Variants in CCDC13 observed in about 807,000 individuals in gnomAD.
CCDC13 encodes the protein coiled-coil domain-containing protein 13.
In CCDC13, 70 loss-of-function variants were observed where a neutral mutation model predicts 87.3. The observed-to-expected ratio is 0.80, with a 90% CI of 0.66 to 0.98. The LOEUF (loss-of-function observed/expected upper bound fraction) is 0.98, where lower values mean the gene tolerates loss of function less well. Among genes scored for constraint, CCDC13 ranks in the 50% least tolerant of loss-of-function variants. The pLI, the probability that CCDC13 is intolerant of heterozygous loss-of-function variation, is 0.00. For synonymous variants in CCDC13, 317 were observed against 360.3 expected, an observed-to-expected ratio of 0.88 and a Z score of 1.36; for missense variants, 842 against 892.0, an observed-to-expected ratio of 0.94 and a Z score of 0.71.
At chr3:42,749,914 G>T (rs559245309) in intron 5 of CCDC13, 1 of 456,598 alleles carries the variant, frequency 2.2e-6, no homozygotes, top group Non-Finnish European at 4.4e-6. Flanking sequence ...GATTGAGCCT[G>T]CAGGCCTCTG....
At chr3:42,761,318 C>T (rs146956817) in intron 1 of CCDC13, among the ~76,000 whole-genome samples, 2 of 152,316 alleles carry the variant, frequency 1.3e-5, no homozygotes, top group Non-Finnish European at 2.9e-5. Flanking sequence ...TTCCCCCAGA[C>T]ATCTACCTTA....
intron 9 of CCDC13, among the ~76,000 whole-genome samples, chr3:42,736,739 G>C (rs1699032956): frequency 6.6e-6 from 1 of 152,018 alleles, no homozygotes; most frequent in Admixed American, 6.6e-5. Context: ...AGGTGCCTGA[G>C]CCAGCACCCC....
intron 1 of CCDC13, among the ~76,000 whole-genome samples, chr3:42,763,329 A>C (rs917543618): frequency 6.6e-6 from 1 of 152,174 alleles, no homozygotes; most frequent in African/African-American, 2.4e-5. Flanking sequence ...ATAAGAAGGC[A>C]GCTTTAGGCT....
chr3:42,706,933 G>T lies in CCDC13; in HGVS notation c.*2047C>A, dbSNP rs185130487. ...ACACAGCTGGTAAGTGGGGAGAGAAGTATGCCCCAGGCAGCCCCACCTGTC... is the reference window on the plus strand; with the variant it reads ...ACACAGCTGGTAAGTGGGGAGAGAATTATGCCCCAGGCAGCCCCACCTGTC... On this transcript the variant is annotated 3_prime_UTR_variant, in exon 16 of 16. Transcript: ENST00000310232. Among the ~76,000 whole-genome samples, 14 of 152,310 alleles carry T rather than the reference G, an allele frequency of 9.2e-5. No individual in the cohort carries two copies. In the East Asian group the frequency reaches 2.5e-3, roughly 27 times the overall value.
At chr3:42,734,813 A>G (rs1240955330) in intron 10 of CCDC13, among the ~76,000 whole-genome samples, 1 of 152,158 alleles carries the variant, frequency 6.6e-6, no homozygotes, top group Non-Finnish European at 1.5e-5. Context: ...CAGCCCCACC[A>G]CCACCCCAGG....
intron 14 of CCDC13, among the ~76,000 whole-genome samples, chr3:42,711,555 C>T (rs541914168): frequency 1.2e-4 from 19 of 152,346 alleles, no homozygotes; most frequent in African/African-American, 4.1e-4. Flanking sequence ...AGCCTCCCTG[C>T]CTCCTCCCTG....
At chr3:42,730,769 C>T (rs992434911) in intron 12 of CCDC13, among the ~76,000 whole-genome samples, 180 bp from the exon 13 acceptor site, 3 of 152,200 alleles carry the variant, frequency 2.0e-5, no homozygotes, top group Admixed American at 6.5e-5. Context: ...CATTCCTGGT[C>T]CTGCTGAAGT....
At position 42,771,392 on chromosome 3, in the gene CCDC13, C is replaced by A. The variant is rs12632820; in HGVS notation, c.-7+1784G>T. Among the ~76,000 whole-genome samples, 1,758 of 152,142 alleles carry A rather than the reference C, an allele frequency of 0.012. 111 individuals carry two copies. In the East Asian group the frequency reaches 0.18, roughly 16 times the overall value. ...GGGTTTTTGGGGAGGTGAAACTGTT[C>A]TGTATACTTTACTGGTGGATACACA... On this transcript the variant is annotated intron_variant, in intron 1 of 15. Transcript: ENST00000310232.
chr3:42,713,343 A>G, intron 13 of CCDC13, 27 bp from the exon 14 acceptor site: 1 of 1,610,996 alleles, frequency 6.2e-7, no homozygotes, highest in South Asian at 1.1e-5. Flanking sequence ...AGGGGATGCT[A>G]CATGCCCTGG....
At chr3:42,769,882 C>T (rs371050940) in intron 1 of CCDC13, among the ~76,000 whole-genome samples, 6 of 152,382 alleles carry the variant, frequency 3.9e-5, no homozygotes, top group South Asian at 2.1e-4. Context: ...CAATTTCTCA[C>T]GGGGCCTTAG....
intron 1 of CCDC13, among the ~76,000 whole-genome samples, chr3:42,758,734 A>T (rs1291729044): frequency 6.6e-6 from 1 of 152,232 alleles, no homozygotes; most frequent in Non-Finnish European, 1.5e-5. Flanking sequence ...GTTTCTAGGA[A>T]CAGGGCTTGG....
At chr3:42,735,279 AAG>A (rs1398241483) in intron 10 of CCDC13, among the ~76,000 whole-genome samples, 1 of 152,120 alleles carries the variant, frequency 6.6e-6, no homozygotes, top group African/African-American at 2.4e-5. Flanking sequence ...AGTGTAGGGA[AAG>A]GGGAGGGGTG....
rs923515954 is a variant in CCDC13, at chr3:42,708,691, C to T, written c.*289G>A. On this transcript the variant is annotated 3_prime_UTR_variant, in exon 16 of 16. Coordinates refer to ENST00000310232, the MANE Select transcript of CCDC13 (RefSeq NM_144719.4). Reference sequence around the variant, plus strand: ...AGGGACTGCATCTGTCCATTCACAGCCGCCTTGCCATCCCAGAGCTCTCGC... The same window carrying T: ...AGGGACTGCATCTGTCCATTCACAGTCGCCTTGCCATCCCAGAGCTCTCGC... 6.4e-5 allele frequency: 21 copies of T among 329,068 alleles called. No homozygotes were observed. Among genetic ancestry groups the T allele is most frequent in the Non-Finnish European group, 1.0e-4 (19 of 182,294 alleles). The allele number at this position is 329,068 out of a possible 1,614,324, so 20.4% of individuals were successfully genotyped here.
At chr3:42,760,292 CTAAATAAATAAA>C (rs56384940) in intron 1 of CCDC13, among the ~76,000 whole-genome samples, 538 of 144,754 alleles carry the variant, frequency 3.7e-3, no homozygotes, top group African/African-American at 8.3e-3. Flanking sequence ...ATTCTTGTCT[CTAAATAAATAAA>C]TAAATAAATA....
At chr3:42,762,632 A>T (rs1170005205) in intron 1 of CCDC13, among the ~76,000 whole-genome samples, 4 of 152,228 alleles carry the variant, frequency 2.6e-5, no homozygotes, top group Non-Finnish European at 4.4e-5. Flanking sequence ...TACTGTCAAC[A>T]TGACTCCACT....
intron 1 of CCDC13, among the ~76,000 whole-genome samples, chr3:42,769,599 G>A (rs892057395): frequency 3.3e-5 from 5 of 152,264 alleles, no homozygotes; most frequent in South Asian, 4.1e-4. Flanking sequence ...CGGCCTTGGC[G>A]CCCACTCTGG....
intron 8 of CCDC13, among the ~76,000 whole-genome samples, chr3:42,740,434 T>C (rs994875054): frequency 1.3e-5 from 2 of 152,140 alleles, no homozygotes; most frequent in Non-Finnish European, 2.9e-5. Flanking sequence ...TTCCTGAGGT[T>C]TCCTACTATG....
chr3:42,746,979 G>GTCC, intron 6 of CCDC13: 1 of 546,088 alleles, frequency 1.8e-6, no homozygotes, highest in Admixed American at 2.9e-5. Context: ...GGACAGTGCT[G>GTCC]TCCTCCTCAG....
At chr3:42,704,143 C>T (rs765590223), downstream of CCDC13, 5 of 152,208 alleles carry the variant, frequency 3.3e-5, no homozygotes, top group Admixed American at 6.5e-5. Context: ...TTTAATGTCA[C>T]CACAGCCCAT....
Sources: allele counts gnomAD v4.1 joint callset (sites outside exome capture counted in the v4.1 genomes callset), GRCh38; gene constraint gnomAD v4.1.1; transcripts MANE v1.5; gene names NCBI Gene and HGNC (gene_info 2026-07-23, HGNC 2026-07-21).